CALN1: variants seen among roughly 807,000 people sequenced by gnomAD.
CALN1 encodes the protein calcium-binding protein 8.
A neutral mutation model predicts 30.6 loss-of-function variants in CALN1; 17 were observed. The ratio of observed to expected loss-of-function variants is 0.56; its 90% CI spans 0.38 to 0.83. CALN1 has a LOEUF of 0.83. CALN1 is among the 40% of genes least tolerant of loss of function. The pLI is 0.00. For synonymous variants in CALN1, 156 were observed against 131.4 expected, an observed-to-expected ratio of 1.19 and a Z score of -1.28; for missense variants, 291 against 354.9, an observed-to-expected ratio of 0.82 and a Z score of 1.45.
At chr7:72,408,980 A>C (rs906666729) in intron 1 of CALN1, among the ~76,000 whole-genome samples, 3 of 150,992 alleles carry the variant, frequency 2.0e-5, no homozygotes, top group Non-Finnish European at 4.4e-5. Context: ...ACCTGGCCCC[A>C]AGTATACTTT....
At chr7:72,501,838 G>A in the CALN1 span, among the ~76,000 whole-genome samples, 3 of 146,232 alleles carry the variant, frequency 2.1e-5, no homozygotes, top group Non-Finnish European at 4.5e-5. Flanking sequence ...GAAACCAGGA[G>A]GTGGAAGTTG....
intron 2 of CALN1, among the ~76,000 whole-genome samples, chr7:72,304,044 C>G (rs1405746647): frequency 2.0e-5 from 3 of 152,072 alleles, no homozygotes; most frequent in Non-Finnish European, 4.4e-5. Context: ...GCCTGCCACT[C>G]TAAGAGTCAG....
rs553768102 is a variant in CALN1, at chr7:72,421,292, A to G, written c.-225-9017T>C. On this transcript the variant is annotated intron_variant, in intron 1 of 6. Coordinates refer to the CALN1 transcript ENST00000395276. ...ACCTCTCCCCACCCTGAGTCCCCAC[A>G]GTCCATTAGATCGCTCTGTATGTTT... Among the ~76,000 whole-genome samples the G allele has an allele frequency of 8.5e-5, 13 of 152,246 alleles. No individual in the cohort carries two copies. The East Asian group carries it at 2.3e-3, about 27-fold the overall frequency.
intron 3 of CALN1, among the ~76,000 whole-genome samples, chr7:72,206,817 C>A (rs922280903): frequency 2.0e-5 from 3 of 152,098 alleles, no homozygotes; most frequent in African/African-American, 7.2e-5. Flanking sequence ...CTTATTCAGC[C>A]TTTAATAAGA....
chr7:72,225,974 T>G (rs1325711695), intron 3 of CALN1, among the ~76,000 whole-genome samples: 1 of 151,560 alleles, frequency 6.6e-6, no homozygotes, highest in African/African-American at 2.4e-5. Context: ...CACACACCTG[T>G]AGTCCCAGCT....
chr7:72,221,876 G>C (rs1325891072), intron 3 of CALN1, among the ~76,000 whole-genome samples: 2 of 140,242 alleles, frequency 1.4e-5, no homozygotes. Context: ...GTGACAGAGA[G>C]AGACTCCATC....
Position 71,801,276 on chromosome 7 carries a change from G to A in CALN1, c.658+9060C>T, listed in dbSNP as rs28720743. Among the ~76,000 whole-genome samples the A allele has an allele frequency of 1.7e-3, 262 of 152,026 alleles. 2 individuals carry two copies. Among genetic ancestry groups the A allele is most frequent in the African/African-American group, 5.5e-3 (227 of 41,474 alleles). On this transcript the variant is annotated intron_variant, in intron 6 of 6. Coordinates refer to ENST00000395275, the MANE Select transcript of CALN1 (RefSeq NM_031468.4). ...CACCCAGGCTGGAGTGAAGTGGTGC[G>A]ACTGTGGCTTACTGCAGCCTCAACC...
intron 5 of CALN1, among the ~76,000 whole-genome samples, chr7:71,834,258 T>C (rs1368511330): frequency 7.5e-6 from 1 of 134,224 alleles, no homozygotes; most frequent in Non-Finnish European, 1.6e-5. Context: ...AAAAAACTAG[T>C]TAAATTAAAT....
At chr7:71,839,124 T>TGA (rs148834323) in intron 5 of CALN1, among the ~76,000 whole-genome samples, 5 of 151,112 alleles carry the variant, frequency 3.3e-5, no homozygotes, top group Admixed American at 6.6e-5. Flanking sequence ...TTATCATTCT[T>TGA]GAGAGAGAGA....
chr7:72,203,093 A>G (rs1224055467), intron 3 of CALN1, among the ~76,000 whole-genome samples: 1 of 152,148 alleles, frequency 6.6e-6, no homozygotes, highest in East Asian at 1.9e-4. Context: ...GGAACAGAAA[A>G]CCAAATACCA....
chr7:72,235,161 C>T (rs1585230797), intron 3 of CALN1, among the ~76,000 whole-genome samples: 1 of 151,942 alleles, frequency 6.6e-6, no homozygotes, highest in East Asian at 1.9e-4. Context: ...GTAGTCCCAG[C>T]TACTAGGGAG....
intron 5 of CALN1, among the ~76,000 whole-genome samples, chr7:71,865,472 T>G (rs1441802923): frequency 6.6e-6 from 1 of 152,192 alleles, no homozygotes; most frequent in Non-Finnish European, 1.5e-5. Flanking sequence ...CAATGAAACC[T>G]CTTTTCTTTA....
chr7:71,790,311 G>GAAGA (rs780525924), intron 6 of CALN1, among the ~76,000 whole-genome samples: 2 of 133,204 alleles, frequency 1.5e-5, no homozygotes, highest in Non-Finnish European at 3.2e-5. Context: ...GAGAAAGAAA[G>GAAGA]AAGAAAGAAA....
chr7:72,198,870 TGAG>T (rs376922727), intron 3 of CALN1, among the ~76,000 whole-genome samples: 2 of 152,174 alleles, frequency 1.3e-5, no homozygotes, highest in Admixed American at 6.5e-5. Context: ...AGAAAAGCAC[TGAG>T]GAGGTCATCA....
intron 2 of CALN1, among the ~76,000 whole-genome samples, chr7:72,307,442 A>G (rs996808874): frequency 6.6e-6 from 1 of 152,172 alleles, no homozygotes; most frequent in African/African-American, 2.4e-5. Context: ...GTCTGGCCGC[A>G]AGAGAGGTCA....
intron 2 of CALN1, among the ~76,000 whole-genome samples, chr7:72,329,660 G>T (rs1320693361): frequency 6.6e-6 from 1 of 152,146 alleles, no homozygotes; most frequent in South Asian, 2.1e-4. Context: ...GCTCATCAGT[G>T]AGACCTTTCT....
intron 3 of CALN1, among the ~76,000 whole-genome samples, chr7:72,271,655 A>C (rs1426701793): frequency 6.7e-6 from 1 of 148,254 alleles, no homozygotes; most frequent in Non-Finnish European, 1.5e-5. Context: ...AATATGTAGA[A>C]AAGAGGAAGG....
At chr7:72,338,472 T>A (rs60727593) in intron 2 of CALN1, among the ~76,000 whole-genome samples, 1,854 of 60,464 alleles carry the variant, frequency 0.031, 69 homozygotes, top group East Asian at 0.13. Context: ...AGCAGCACAG[T>A]GTGTGTGTGT....
chr7:72,487,858 A>G, the CALN1 span, among the ~76,000 whole-genome samples: 5 of 62,248 alleles, frequency 8.0e-5, no homozygotes, highest in African/African-American at 2.1e-4. Flanking sequence ...AAGAAAGAGA[A>G]AGAAAGAAAG....
Sources: gnomAD v4.1 joint callset for allele counts (sites outside exome capture counted in the v4.1 genomes callset) on GRCh38, gnomAD v4.1.1 for gene constraint, MANE v1.5 for transcripts, NCBI Gene and HGNC (gene_info 2026-07-23, HGNC 2026-07-21) for gene names.